Variants in GALNT13 observed in about 807,000 individuals in gnomAD.
GALNT13 encodes polypeptide N-acetylgalactosaminyltransferase 13, also known as UDP-GalNAc:polypeptide N-acetylgalactosaminyltransferase 13.
A neutral mutation model predicts 64.2 loss-of-function variants in GALNT13; 28 were observed. The ratio of observed to expected loss-of-function variants is 0.44; its 90% CI spans 0.32 to 0.60. GALNT13 has a LOEUF of 0.60. Among genes scored for constraint, GALNT13 ranks in the 20% least tolerant of loss-of-function variants. GALNT13 has a pLI of 0.05. For missense variants in GALNT13, 577 were observed against 669.8 expected, an observed-to-expected ratio of 0.86 and a Z score of 1.53; for synonymous variants, 214 against 224.6, an observed-to-expected ratio of 0.95 and a Z score of 0.42.
the GALNT13 span, among the ~76,000 whole-genome samples, chr2:153,339,054 G>A: frequency 0.19 from 29,032 of 152,072 alleles, 3,562 homozygotes; most frequent in African/African-American, 0.35. Context: ...TCCGTATCTT[G>A]GCTGTGTTGA....
intron 3 of GALNT13, among the ~76,000 whole-genome samples, chr2:153,980,800 G>A (rs1694409791): frequency 6.6e-6 from 1 of 151,996 alleles, no homozygotes; most frequent in South Asian, 2.1e-4. Context: ...ATAGAGGTAG[G>A]CTTCCAAATA....
the GALNT13 span, among the ~76,000 whole-genome samples, chr2:153,691,307 C>T: frequency 5.3e-5 from 8 of 151,948 alleles, no homozygotes; most frequent in South Asian, 2.1e-4. Flanking sequence ...TTACCTTTGC[C>T]GGAGAGAGAG....
At chr2:153,362,110 C>A in the GALNT13 span, among the ~76,000 whole-genome samples, 1 of 152,112 alleles carries the variant, frequency 6.6e-6, no homozygotes, top group Non-Finnish European at 1.5e-5. Flanking sequence ...AATTTTATAT[C>A]CCGTCAAACT....
At chr2:153,450,645 G>A in the GALNT13 span, among the ~76,000 whole-genome samples, 5 of 151,438 alleles carry the variant, frequency 3.3e-5, no homozygotes, top group South Asian at 4.2e-4. Context: ...TTTGATTGCA[G>A]ATGTCTATTA....
At chr2:153,142,812 A>T in the GALNT13 span, among the ~76,000 whole-genome samples, 2 of 151,920 alleles carry the variant, frequency 1.3e-5, no homozygotes, top group African/African-American at 4.8e-5. Flanking sequence ...ATGTTAGGAG[A>T]TATGAAATCA....
At chr2:153,721,009 T>A in the GALNT13 span, among the ~76,000 whole-genome samples, 1 of 151,876 alleles carries the variant, frequency 6.6e-6, no homozygotes, top group Non-Finnish European at 1.5e-5. Flanking sequence ...TACATAATTG[T>A]CAGATTCACC....
chr2:153,383,890 T>A, the GALNT13 span, among the ~76,000 whole-genome samples: 1 of 151,980 alleles, frequency 6.6e-6, no homozygotes. Flanking sequence ...GGGAAAGAGC[T>A]ACAGGATGTA....
chr2:153,332,074 G>GT, the GALNT13 span, among the ~76,000 whole-genome samples: 1 of 151,888 alleles, frequency 6.6e-6, no homozygotes, highest in African/African-American at 2.4e-5. Flanking sequence ...TTTTCTGTCT[G>GT]TTTTTTTCTT....
chr2:153,626,323 T>C, the GALNT13 span, among the ~76,000 whole-genome samples: 3 of 152,100 alleles, frequency 2.0e-5, no homozygotes, highest in Non-Finnish European at 4.4e-5. Context: ...ATCTTGTATA[T>C]GAAGATAATC....
At chr2:153,662,708 T>G in the GALNT13 span, among the ~76,000 whole-genome samples, 4 of 152,234 alleles carry the variant, frequency 2.6e-5, no homozygotes, top group Non-Finnish European at 4.4e-5. Flanking sequence ...ATTTATATAA[T>G]ACATTTACTT....
intron 12 of GALNT13, among the ~76,000 whole-genome samples, chr2:154,438,989 A>C (rs1701142099): frequency 6.6e-6 from 1 of 152,144 alleles, no homozygotes; most frequent in Admixed American, 6.5e-5. Context: ...TACATGCCAA[A>C]CATAAATTAG....
intron 3 of GALNT13, among the ~76,000 whole-genome samples, chr2:153,970,053 A>C (rs1693637222): frequency 6.6e-6 from 1 of 152,160 alleles, no homozygotes; most frequent in African/African-American, 2.4e-5. Flanking sequence ...GCATGCCATG[A>C]ATTCAAAGCA....
chr2:153,130,273 C>T, the GALNT13 span, among the ~76,000 whole-genome samples: 49 of 152,204 alleles, frequency 3.2e-4, no homozygotes, highest in African/African-American at 1.2e-3. Context: ...CAAGATCAGC[C>T]ACTCCTCTCC....
At chr2:153,254,710 C>G in the GALNT13 span, among the ~76,000 whole-genome samples, 1 of 151,992 alleles carries the variant, frequency 6.6e-6, no homozygotes, top group African/African-American at 2.4e-5. Context: ...TTATTTCTGC[C>G]TTCATTTCGT....
the GALNT13 span, among the ~76,000 whole-genome samples, chr2:153,464,572 C>T: frequency 6.6e-6 from 1 of 152,028 alleles, no homozygotes; most frequent in African/African-American, 2.4e-5. Context: ...AAATAAAGGC[C>T]ACTCTGAGGA....
At chr2:153,393,247 T>A in the GALNT13 span, among the ~76,000 whole-genome samples, 3 of 151,050 alleles carry the variant, frequency 2.0e-5, no homozygotes, top group East Asian at 5.9e-4. Flanking sequence ...GTAGTCTCAA[T>A]AACAGACTCA....
At chr2:154,051,335 C>G (rs1308226169) in intron 3 of GALNT13, among the ~76,000 whole-genome samples, 3 of 133,294 alleles carry the variant, frequency 2.3e-5, no homozygotes, top group African/African-American at 8.5e-5. Context: ...CCAGGCCGGA[C>G]TGCGGACTGC....
At chr2:154,222,776 G>A (rs1429092094) in intron 4 of GALNT13, among the ~76,000 whole-genome samples, 1 of 152,112 alleles carries the variant, frequency 6.6e-6, no homozygotes, top group African/African-American at 2.4e-5. Flanking sequence ...GGGACGGGTT[G>A]AGGATTTATG....
At chr2:153,134,378 G>C in the GALNT13 span, among the ~76,000 whole-genome samples, 1 of 151,784 alleles carries the variant, frequency 6.6e-6, no homozygotes, top group Non-Finnish European at 1.5e-5. Context: ...AATAAGAACA[G>C]CCAATCTTAC....
Sources: allele counts gnomAD v4.1 joint callset (sites outside exome capture counted in the v4.1 genomes callset), GRCh38; gene constraint gnomAD v4.1.1; transcripts MANE v1.5; gene names NCBI Gene and HGNC (gene_info 2026-07-23, HGNC 2026-07-21).